Variants in ZNF536 observed in about 807,000 individuals in gnomAD.
ZNF536 encodes the protein zinc finger protein 536.
ZNF536 carries 13 observed loss-of-function variants against 84.5 expected under a neutral mutation model. The ratio of observed to expected loss-of-function variants is 0.15; its 90% CI spans 0.10 to 0.24. The LOEUF (loss-of-function observed/expected upper bound fraction) is 0.24. Ranked by LOEUF, ZNF536 falls within the 10% of genes least tolerant of loss-of-function variation. ZNF536 has a pLI of 1.00. For missense variants in ZNF536, 1,536 were observed against 1,747.5 expected, an observed-to-expected ratio of 0.88 and a Z score of 2.16; for synonymous variants, 811 against 742.5, an observed-to-expected ratio of 1.09 and a Z score of -1.50.
chr19:30,378,988 G>T (rs2048918078), intron 1 of ZNF536, among the ~76,000 whole-genome samples: 1 of 152,212 alleles, frequency 6.6e-6, no homozygotes, highest in African/African-American at 2.4e-5. Context: ...CATAAGGAGT[G>T]TGGGGAGGGG....
intron 1 of ZNF536, among the ~76,000 whole-genome samples, chr19:30,254,552 A>G (rs2145147258): frequency 6.9e-6 from 1 of 145,560 alleles, no homozygotes; most frequent in African/African-American, 2.6e-5. Context: ...AGTCTCTTCC[A>G]GAGAGTTGTC....
intron 2 of ZNF536, among the ~76,000 whole-genome samples, chr19:30,335,905 G>A (rs964855636): frequency 6.6e-6 from 1 of 152,008 alleles, no homozygotes; most frequent in African/African-American, 2.4e-5. Context: ...GAGTGGCCCT[G>A]GCTCAGATGA....
At chr19:30,399,294 C>A (rs549290947) in intron 1 of ZNF536, among the ~76,000 whole-genome samples, 1 of 151,542 alleles carries the variant, frequency 6.6e-6, no homozygotes, top group Middle Eastern at 3.4e-3. Flanking sequence ...TGTTTAAGTT[C>A]TTTGTAGATT....
chr19:30,591,619 C>T (rs1465044755), intron 1 of ZNF536, among the ~76,000 whole-genome samples: 10 of 152,152 alleles, frequency 6.6e-5, no homozygotes, highest in Admixed American at 4.6e-4. Flanking sequence ...TGGGTGGGGA[C>T]ACAGCCAAAT....
intron 1 of ZNF536, among the ~76,000 whole-genome samples, chr19:30,701,389 A>G (rs2051958872): frequency 6.6e-6 from 1 of 151,878 alleles, no homozygotes; most frequent in Admixed American, 6.6e-5. Flanking sequence ...AAACACACAG[A>G]CACACCCAAA....
rs35509271 is a variant in ZNF536 at position 30,582,375 on chromosome 19, C to CTTTT, written c.169+32882_169+32885dup. Among the ~76,000 whole-genome samples the CTTTT allele has an allele frequency of 1.5e-3, 132 of 89,148 alleles. 3 individuals are homozygous for CTTTT. The highest frequency in any genetic ancestry group is 3.9e-3 in the African/African-American group (98 of 25,352). 58.5% of individuals were successfully genotyped at this position (89,148 alleles called of 152,430 possible). On this transcript the variant is annotated intron_variant, in intron 1 of 1. Transcript: ENST00000592773. ...GTCCTGGCTTCTCTTCCTAGTTTCT[C>CTTTT]TTTTTTTTTTTTTTTTTTTTTTTTC...
At position 30,414,404 on chromosome 19, in the gene ZNF536, G is replaced by A. The variant is rs915121001; in HGVS notation, c.-2-29157G>A. 8.6e-5 allele frequency among the ~76,000 whole-genome samples: 13 copies of A among 151,922 alleles called. No individual in the cohort carries two copies. In the East Asian group the frequency reaches 9.7e-4, roughly 11 times the overall value. On this transcript the variant is annotated intron_variant, in intron 1 of 4. Coordinates refer to ENST00000355537, the MANE Select transcript of ZNF536 (RefSeq NM_014717.3). ...ATGTTTAGTTTTTATTTTTGCTATCGTTTTTATGTTGTCTGTTAATCATGG... is the reference window on the plus strand; with the variant it reads ...ATGTTTAGTTTTTATTTTTGCTATCATTTTTATGTTGTCTGTTAATCATGG...
chr19:30,475,078 T>C (rs1163244550), intron 2 of ZNF536, among the ~76,000 whole-genome samples: 3 of 152,164 alleles, frequency 2.0e-5, no homozygotes, highest in Non-Finnish European at 4.4e-5. Flanking sequence ...GCGTTATTGT[T>C]GTTGTTTGGT....
At chr19:30,414,467 T>C (rs1219927157) in intron 1 of ZNF536, among the ~76,000 whole-genome samples, 3 of 152,210 alleles carry the variant, frequency 2.0e-5, no homozygotes, top group Non-Finnish European at 4.4e-5. Context: ...ATGGATGAAA[T>C]TTTGTTTCAT....
chr19:30,594,510 C>CT (rs537169246), intron 1 of ZNF536, among the ~76,000 whole-genome samples: 6 of 152,282 alleles, frequency 3.9e-5, no homozygotes, highest in South Asian at 4.1e-4. Context: ...TAGCTGCTGC[C>CT]TTTTTTGCAT....
chr19:30,422,271 C>T (rs1310125894), intron 1 of ZNF536, among the ~76,000 whole-genome samples: 1 of 152,092 alleles, frequency 6.6e-6, no homozygotes, highest in Non-Finnish European at 1.5e-5. Context: ...ACATATTGAC[C>T]TAAGAGGTTT....
chr19:30,288,568 A>G (rs9630882), intron 2 of ZNF536, among the ~76,000 whole-genome samples: 35,560 of 152,168 alleles, frequency 0.23, 5,096 homozygotes, highest in East Asian at 0.54. Context: ...TACTGAAGAA[A>G]AAAGATAAAT....
intron 3 of ZNF536, among the ~76,000 whole-genome samples, chr19:30,537,490 C>T (rs560680300): frequency 8.5e-5 from 13 of 152,306 alleles, no homozygotes; most frequent in African/African-American, 3.1e-4. Flanking sequence ...CCATGGGTAA[C>T]GTCAGCCTTG....
chr19:30,703,414 C>T (rs898158940), intron 1 of ZNF536, among the ~76,000 whole-genome samples: 2 of 152,190 alleles, frequency 1.3e-5, no homozygotes, highest in Non-Finnish European at 2.9e-5. Flanking sequence ...CAACTTAGCC[C>T]TACCTTCTAA....
chr19:30,475,742 C>A (rs2053819638), intron 2 of ZNF536, among the ~76,000 whole-genome samples: 1 of 152,152 alleles, frequency 6.6e-6, no homozygotes, highest in South Asian at 2.1e-4. Context: ...CCCACACGAG[C>A]CCCAGACATG....
intron 1 of ZNF536, among the ~76,000 whole-genome samples, chr19:30,598,939 C>CCTCCCTTTCTCCCTCCCTT (rs2047561979): frequency 9.8e-6 from 1 of 101,744 alleles, no homozygotes. Flanking sequence ...CTCCCTCCCT[C>CCTCCCTTTCTCCCTCCCTT]CCTCCCTTTC....
chr19:30,502,401 G>A (rs1303543996), intron 2 of ZNF536, among the ~76,000 whole-genome samples: 3 of 152,078 alleles, frequency 2.0e-5, no homozygotes, highest in Non-Finnish European at 2.9e-5. Flanking sequence ...TTTTAAACTT[G>A]GGGTGGGATT....
chr19:30,696,151 C>T (rs2051647189), intron 1 of ZNF536, among the ~76,000 whole-genome samples: 3 of 152,178 alleles, frequency 2.0e-5, no homozygotes, highest in Admixed American at 1.3e-4. Flanking sequence ...AAGCTGTTAA[C>T]CTGAAAAGTG....
chr19:30,510,224 T>G (rs1490755676), intron 2 of ZNF536, among the ~76,000 whole-genome samples: 1 of 152,194 alleles, frequency 6.6e-6, no homozygotes, highest in African/African-American at 2.4e-5. Flanking sequence ...GAGAAAGGCA[T>G]GTTCATTAAT....
Sources: allele counts gnomAD v4.1 joint callset (sites outside exome capture counted in the v4.1 genomes callset), GRCh38; gene constraint gnomAD v4.1.1; transcripts MANE v1.5; gene names NCBI Gene and HGNC (gene_info 2026-07-23, HGNC 2026-07-21).